Variants in NAV3 observed in about 807,000 individuals in gnomAD.
NAV3 encodes the protein neuron navigator 3.
Under a neutral mutation model 244.7 loss-of-function variants are expected in NAV3, and 87 were observed. The ratio of observed to expected loss-of-function variants is 0.36; its 90% CI spans 0.30 to 0.42. NAV3 has a LOEUF of 0.42. Among genes scored for constraint, NAV3 ranks in the 20% least tolerant of loss-of-function variants. NAV3 has a pLI of 1.00. For missense variants in NAV3, 2,663 were observed against 2,893.3 expected (o/e 0.92, Z 1.83); for synonymous variants, 1,126 against 1,042.2 (o/e 1.08, Z -1.55).
chr12:77,989,505 G>T (rs1214472310), intron 5 of NAV3, among the ~76,000 whole-genome samples: 1 of 152,092 alleles, frequency 6.6e-6, no homozygotes, highest in South Asian at 2.1e-4. Flanking sequence ...GTCTTCCAAG[G>T]AGTCCAAGTT....
At position 77,836,815 on chromosome 12, in the gene NAV3, G is replaced by A. The variant is rs529821672; in HGVS notation, c.243+5111G>A. 3.9e-5 allele frequency among the ~76,000 whole-genome samples: 6 copies of A among 152,192 alleles called. No homozygotes were observed. The South Asian group carries it at 8.3e-4, about 21-fold the overall frequency. ...CTATAAGGGAGGAGAGATTACATCCGCTTGGGGCAATCCAAAGAAATTTAT... is the reference window on the plus strand; with the variant it reads ...CTATAAGGGAGGAGAGATTACATCCACTTGGGGCAATCCAAAGAAATTTAT... On this transcript the variant is annotated intron_variant, in intron 1 of 39. Coordinates refer to ENST00000397909, the MANE Select transcript of NAV3 (RefSeq NM_001024383.2).
rs139092786 is a variant in NAV3 at position 77,755,333 on chromosome 12, G to A, written c.72+183067G>A. Among the ~76,000 whole-genome samples the A allele has an allele frequency of 3.8e-3, 579 of 152,076 alleles. 4 individuals are homozygous for A. Among genetic ancestry groups the A allele is most frequent in the African/African-American group, 0.013 (526 of 41,480 alleles). On this transcript the variant is annotated intron_variant, in intron 2 of 8. Transcript: ENST00000550042. ...AATACATGACTTTAATTTAATAGAG[G>A]CCACATATATTTTGACCTCTTTGCT...
chr12:77,766,906 C>A (rs950568063), intron 2 of NAV3, among the ~76,000 whole-genome samples: 14 of 151,722 alleles, frequency 9.2e-5, no homozygotes, highest in Non-Finnish European at 1.3e-4. Context: ...GGGCACCCAC[C>A]ACCACACCCA....
At chr12:78,009,370 C>T (rs1445200490) in intron 8 of NAV3, among the ~76,000 whole-genome samples, 1 of 145,010 alleles carries the variant, frequency 6.9e-6, no homozygotes, top group Non-Finnish European at 1.5e-5. Context: ...ATCGCTTGAA[C>T]CCAGGAGGTG....
chr12:78,109,070 C>T (rs1954949957), intron 12 of NAV3, among the ~76,000 whole-genome samples: 1 of 151,480 alleles, frequency 6.6e-6, no homozygotes, highest in Non-Finnish European at 1.5e-5. Context: ...ATAGACTAAA[C>T]AAGGAAAAAG....
chr12:78,008,946 T>G (rs960101267), intron 8 of NAV3, among the ~76,000 whole-genome samples: 1 of 152,194 alleles, frequency 6.6e-6, no homozygotes, highest in African/African-American at 2.4e-5. Flanking sequence ...GTTTTAAATA[T>G]GTCATACTCA....
At chr12:77,822,472 C>T (rs574599373) in intron 2 of NAV3, among the ~76,000 whole-genome samples, 2 of 152,282 alleles carry the variant, frequency 1.3e-5, no homozygotes, top group South Asian at 2.1e-4. Flanking sequence ...CTTCTTTATG[C>T]ATCCATTTTT....
chr12:78,086,323 A>T (rs933980184), intron 12 of NAV3, among the ~76,000 whole-genome samples: 1 of 152,084 alleles, frequency 6.6e-6, no homozygotes, highest in Non-Finnish European at 1.5e-5. Flanking sequence ...TGAAAATTTT[A>T]TTGACAACTT....
intron 24 of NAV3, 34 bp downstream of exon 24, chr12:78,168,900 A>T: frequency 7.1e-7 from 1 of 1,416,040 alleles, no homozygotes. Context: ...TCCACCCAAT[A>T]TAATAGACAT....
At chr12:78,028,076 A>C (rs1373497883) in intron 9 of NAV3, among the ~76,000 whole-genome samples, 1 of 152,140 alleles carries the variant, frequency 6.6e-6, no homozygotes. Context: ...ACCACCATAT[A>C]TGACCTGAAG....
intron 17 of NAV3, among the ~76,000 whole-genome samples, 162 bp from the exon 18 acceptor site, chr12:78,128,544 G>A (rs536896855): frequency 6.6e-6 from 1 of 152,256 alleles, no homozygotes; most frequent in Non-Finnish European, 1.5e-5. Context: ...GATTCAAACA[G>A]ATGGCGTAAG....
chr12:77,663,299 A>G (rs73133993), intron 2 of NAV3, among the ~76,000 whole-genome samples: 5,463 of 152,296 alleles, frequency 0.036, 125 homozygotes, highest in Non-Finnish European at 0.055. Flanking sequence ...TATGTGAGGT[A>G]TATGAAAACA....
intron 3 of NAV3, among the ~76,000 whole-genome samples, chr12:77,946,821 G>C (rs1488079354): frequency 6.6e-6 from 1 of 151,994 alleles, no homozygotes; most frequent in Non-Finnish European, 1.5e-5. Context: ...AGACATGTAG[G>C]GTAAAAGTTG....
At chr12:78,018,806 A>C (rs1876660185) in intron 8 of NAV3, among the ~76,000 whole-genome samples, 1 of 152,164 alleles carries the variant, frequency 6.6e-6, no homozygotes, top group Non-Finnish European at 1.5e-5. Context: ...GCAAGTAATA[A>C]AAATCCTTAG....
Position 77,798,110 on chromosome 12 carries a change from C to T in NAV3, c.73-142209C>T, listed in dbSNP as rs553357245. Among the ~76,000 whole-genome samples, 12 of 150,820 alleles carry T rather than the reference C, an allele frequency of 8.0e-5. No homozygotes were observed. In the South Asian group the frequency reaches 2.1e-3, roughly 27 times the overall value. ...CGGGGATGTGGAGGTTGTAGCTCAC[C>T]GAGATTATGCCACTGCACTCCCTCC... On this transcript the variant is annotated intron_variant, in intron 2 of 8. Transcript: ENST00000550042.
intron 11 of NAV3, among the ~76,000 whole-genome samples, chr12:78,055,577 A>G (rs545275391): frequency 6.6e-6 from 1 of 152,332 alleles, no homozygotes; most frequent in Non-Finnish European, 1.5e-5. Context: ...AATGCACTCC[A>G]TGTAGTCATT....
At chr12:77,852,842 C>G (rs143310361) in intron 1 of NAV3, among the ~76,000 whole-genome samples, 39 of 152,226 alleles carry the variant, frequency 2.6e-4, no homozygotes, top group African/African-American at 8.9e-4. Context: ...TATTCCAGTA[C>G]GTGAATTCTC....
chr12:77,859,228 C>A (rs945225782), intron 1 of NAV3, among the ~76,000 whole-genome samples: 1 of 151,952 alleles, frequency 6.6e-6, no homozygotes, highest in Non-Finnish European at 1.5e-5. Flanking sequence ...TCATGCAAAT[C>A]TTAGCATATT....
intron 9 of NAV3, among the ~76,000 whole-genome samples, chr12:78,042,264 C>G (rs1880992098): frequency 6.6e-6 from 1 of 152,174 alleles, no homozygotes; most frequent in Non-Finnish European, 1.5e-5. Context: ...CTTCTGCCCC[C>G]AGTTGATAGG....
Sources: allele counts gnomAD v4.1 joint callset (sites outside exome capture counted in the v4.1 genomes callset), GRCh38; gene constraint gnomAD v4.1.1; transcripts MANE v1.5; gene names NCBI Gene and HGNC (gene_info 2026-07-23, HGNC 2026-07-21).